PRIM2: variants seen among roughly 807,000 people sequenced by gnomAD.
PRIM2 encodes DNA primase subunit 2, also known as DNA primase large subunit.
In PRIM2, 39 loss-of-function variants were observed where a neutral mutation model predicts 67.3. The ratio of observed to expected loss-of-function variants is 0.58; its 90% CI spans 0.45 to 0.76. The LOEUF is 0.76. PRIM2 is among the 30% of genes least tolerant of loss of function. The pLI, the probability that PRIM2 is intolerant of heterozygous loss-of-function variation, is 0.00. For synonymous variants in PRIM2, 143 were observed against 198.7 expected, an observed-to-expected ratio of 0.72 and a Z score of 2.36; for missense variants, 398 against 598.7, an observed-to-expected ratio of 0.66 and a Z score of 3.50.
At chr6:57,297,272 C>T in the PRIM2 span, among the ~76,000 whole-genome samples, 2 of 151,790 alleles carry the variant, frequency 1.3e-5, no homozygotes, top group African/African-American at 4.8e-5. Flanking sequence ...CGAAACCCTG[C>T]CTCCACTAAA....
intron 7 of PRIM2, among the ~76,000 whole-genome samples, chr6:57,473,694 T>G (rs1773393825): frequency 6.6e-6 from 1 of 152,176 alleles, no homozygotes; most frequent in Admixed American, 6.5e-5. Context: ...TTGCATTATT[T>G]TTTCCTGAGC....
the PRIM2 span, among the ~76,000 whole-genome samples, chr6:57,227,521 G>A: frequency 6.6e-6 from 1 of 151,554 alleles, no homozygotes; most frequent in Non-Finnish European, 1.5e-5. Context: ...GCGCACGCCT[G>A]TAATCTCAGC....
chr6:57,619,047 C>T (rs1776805139), intron 12 of PRIM2, among the ~76,000 whole-genome samples: 2 of 152,204 alleles, frequency 1.3e-5, no homozygotes, highest in Admixed American at 6.5e-5. Flanking sequence ...TCCAATGGAA[C>T]AGGCGCTGGT....
At chr6:57,479,862 G>T (rs1414041455) in intron 7 of PRIM2, among the ~76,000 whole-genome samples, 1 of 152,206 alleles carries the variant, frequency 6.6e-6, no homozygotes. Flanking sequence ...TAGGCAAGAT[G>T]AAGTCTGAAG....
intron 5 of PRIM2, among the ~76,000 whole-genome samples, chr6:57,362,231 T>C (rs1465443628): frequency 6.6e-6 from 1 of 152,200 alleles, no homozygotes; most frequent in Admixed American, 6.6e-5. Context: ...GCTGGTATTC[T>C]ACCATCCATA....
intron 7 of PRIM2, among the ~76,000 whole-genome samples, chr6:57,496,316 T>C (rs1164400787): frequency 4.5e-4 from 69 of 152,288 alleles, no homozygotes; most frequent in African/African-American, 1.7e-3. Context: ...AATGGTAAGA[T>C]TGCCAGTGTA....
intron 7 of PRIM2, among the ~76,000 whole-genome samples, chr6:57,471,040 G>A (rs1773325546): frequency 6.6e-6 from 1 of 152,132 alleles, no homozygotes; most frequent in Admixed American, 6.5e-5. Flanking sequence ...CAATAGCTGA[G>A]TTGGCTCCTT....
intron 10 of PRIM2, among the ~76,000 whole-genome samples, chr6:57,567,543 G>T (rs1326243313): frequency 7.9e-5 from 12 of 152,172 alleles, no homozygotes; most frequent in Admixed American, 7.2e-4. Flanking sequence ...CATAAGTCGG[G>T]GAAGGTCTCC....
intron 12 of PRIM2, among the ~76,000 whole-genome samples, chr6:57,628,403 T>G (rs1776989333): frequency 6.6e-6 from 1 of 152,238 alleles, no homozygotes; most frequent in African/African-American, 2.4e-5. Context: ...GAAGCTATGC[T>G]GCAGAAACAA....
the PRIM2 span, among the ~76,000 whole-genome samples, chr6:57,283,230 C>A: frequency 6.6e-6 from 1 of 152,090 alleles, no homozygotes; most frequent in Non-Finnish European, 1.5e-5. Context: ...TATCTTTGCC[C>A]ATATTATTGC....
At chr6:57,374,306 T>TATTTATTTA (rs1554331463) in intron 5 of PRIM2, among the ~76,000 whole-genome samples, 2 of 146,018 alleles carry the variant, frequency 1.4e-5, no homozygotes, top group Non-Finnish European at 3.1e-5. Context: ...TTTATTTATT[T>TATTTATTTA]TTTTTGAGAC....
At chr6:57,350,292 A>G (rs567542130) in intron 5 of PRIM2, among the ~76,000 whole-genome samples, 1 of 152,282 alleles carries the variant, frequency 6.6e-6, no homozygotes, top group East Asian at 1.9e-4. Flanking sequence ...AATCCTAGAA[A>G]TCATCCATTT....
At chr6:57,283,541 G>C in the PRIM2 span, among the ~76,000 whole-genome samples, 1 of 152,256 alleles carries the variant, frequency 6.6e-6, no homozygotes, top group East Asian at 1.9e-4. Context: ...CGTTAAGTTA[G>C]AGTTTTTGGT....
upstream of PRIM2, among the ~76,000 whole-genome samples, chr6:57,310,786 C>A (rs9475830): frequency 0.071 from 10,519 of 147,996 alleles, 409 homozygotes; most frequent in Admixed American, 0.1. Context: ...AGACAAAGAG[C>A]GGCCAGGCAG....
intron 12 of PRIM2, among the ~76,000 whole-genome samples, chr6:57,606,955 T>A (rs1776574265): frequency 6.6e-6 from 1 of 152,228 alleles, no homozygotes; most frequent in African/African-American, 2.4e-5. Context: ...ATACTTTGTC[T>A]TATGGACAAT....
intron 10 of PRIM2, among the ~76,000 whole-genome samples, chr6:57,572,704 TCC>T (rs1775884539): frequency 6.6e-6 from 1 of 152,198 alleles, no homozygotes; most frequent in Non-Finnish European, 1.5e-5. Flanking sequence ...CAGTTCACTG[TCC>T]AGATTGGATG....
the PRIM2 span, among the ~76,000 whole-genome samples, chr6:57,243,772 G>T: frequency 6.6e-6 from 1 of 152,182 alleles, no homozygotes; most frequent in Non-Finnish European, 1.5e-5. Flanking sequence ...ACAGCGCCTG[G>T]CCAGGATTTA....
intron 13 of PRIM2, among the ~76,000 whole-genome samples, chr6:57,639,318 A>G (rs1348002333): frequency 1.2e-4 from 18 of 152,216 alleles, no homozygotes; most frequent in Non-Finnish European, 2.1e-4. Flanking sequence ...TAAAGTCGAC[A>G]CCCTAGCATC....
rs1193789438 is a variant in PRIM2 at position 57,646,301 on chromosome 6, C to T, written c.*143C>T. ...CTGATTGCAGCCTTGACCTTCCCAG[C>T]TCAAGTGATCCTCCTACCTCAGCCT... On this transcript the variant is annotated 3_prime_UTR_variant, in exon 14 of 14. Transcript: ENST00000615550. 1.4e-5 allele frequency: 9 copies of T among 632,150 alleles called. No individual in the cohort carries two copies. In the East Asian group the frequency reaches 2.4e-4, roughly 17 times the overall value. 39.2% of individuals were successfully genotyped at this position (632,150 alleles called of 1,614,324 possible).
Sources: gnomAD v4.1 joint callset for allele counts (sites outside exome capture counted in the v4.1 genomes callset) on GRCh38, gnomAD v4.1.1 for gene constraint, MANE v1.5 for transcripts, NCBI Gene and HGNC (gene_info 2026-07-23, HGNC 2026-07-21) for gene names.